CCDC57: variants seen among roughly 807,000 people sequenced by gnomAD.
CCDC57 encodes coiled-coil domain containing 57.
CCDC57 carries 118 observed loss-of-function variants against 118.9 expected under a neutral mutation model. That is an observed-to-expected ratio of 0.99 (90% CI 0.86 to 1.16). CCDC57 has a LOEUF of 1.16. Among genes scored for constraint, CCDC57 ranks in the 50% most tolerant of loss-of-function variants. The pLI, the probability that CCDC57 is intolerant of heterozygous loss-of-function variation, is 0.00. For synonymous variants in CCDC57, 527 were observed against 532.9 expected (o/e 0.99, Z 0.15); for missense variants, 1,300 against 1,320.7 (o/e 0.98, Z 0.24).
intron 7 of CCDC57, among the ~76,000 whole-genome samples, chr17:82,190,807 T>C (rs748352958): frequency 2.7e-5 from 4 of 148,674 alleles, no homozygotes; most frequent in Admixed American, 6.8e-5. Flanking sequence ...CTCCCAGACA[T>C]AATGCCTCTA....
At chr17:82,113,413 A>G (rs1303528114) in intron 19 of CCDC57, 1 of 717,670 alleles carries the variant, frequency 1.4e-6, no homozygotes, top group South Asian at 1.5e-5. Flanking sequence ...ATGGGACTAG[A>G]ACGACAGGAG....
At chr17:82,104,871 G>A (rs1186494483) in intron 19 of CCDC57, 4 of 152,332 alleles carry the variant, frequency 2.6e-5, no homozygotes, top group African/African-American at 9.6e-5. Flanking sequence ...TCTCAGGGAG[G>A]ACATAGCCTG....
chr17:82,171,647 T>A, intron 13 of CCDC57, 54 bp downstream of exon 12: 1 of 1,572,014 alleles, frequency 6.4e-7, no homozygotes, highest in Admixed American at 1.7e-5. Context: ...TTTGCAGGGG[T>A]CAGATTTCAG....
At chr17:82,120,407 T>C (rs987508071) in intron 19 of CCDC57, among the ~76,000 whole-genome samples, 11 of 152,208 alleles carry the variant, frequency 7.2e-5, no homozygotes, top group African/African-American at 2.7e-4. Context: ...AGAATGGAGC[T>C]TTCAGACTGC....
At chr17:82,138,517 A>G (rs2039568644) in intron 16 of CCDC57, among the ~76,000 whole-genome samples, 1 of 152,028 alleles carries the variant, frequency 6.6e-6, no homozygotes, top group African/African-American at 2.4e-5. Flanking sequence ...ACTGCCCTCC[A>G]GCCTGCATGA....
Position 82,101,973 on chromosome 17 carries a change from CG to C in CCDC57, c.2900-108del. On this transcript the variant is annotated intron_variant, in intron 19 of 19. Coordinates refer to ENST00000665763, the Ensembl canonical transcript of CCDC57. ...GCAGCACTTCCGTGTTCCCGGCCAG[CG>C]GGGGCCCTGTGACCCTTGGCCTGGC... 6.1e-6 allele frequency: 7 copies of C among 1,138,350 alleles called. No homozygotes were observed. The South Asian group carries it at 7.4e-5, about 12-fold the overall frequency. 70.5% of individuals were successfully genotyped at this position (1,138,350 alleles called of 1,614,324 possible).
At position 82,101,883 on chromosome 17, in the gene CCDC57, A is replaced by G. The variant is rs151218780; in HGVS notation, c.2900-17T>C. On this transcript the variant is annotated splice_polypyrimidine_tract_variant and intron_variant, in intron 19 of 19. Transcript: ENST00000665763. ...CTGGGAGCTCTGTCAGGTAAAGAGG[A>G]AAAAACAGCATGCATCAGGATGGCA... 5,807 of 1,546,000 alleles carry G rather than the reference A, an allele frequency of 3.8e-3. 30 individuals are homozygous for G. Among genetic ancestry groups the G allele is most frequent in the South Asian group, 0.01 (837 of 81,964 alleles).
At chr17:82,205,137 TG>T (rs1282122149) in intron 2 of CCDC57, among the ~76,000 whole-genome samples, 2 of 152,100 alleles carry the variant, frequency 1.3e-5, no homozygotes, top group African/African-American at 4.8e-5. Context: ...GGGAAAGAAT[TG>T]GACTATCAGC....
At chr17:82,133,807 C>T (rs1324780326) in intron 17 of CCDC57, among the ~76,000 whole-genome samples, 2 of 151,910 alleles carry the variant, frequency 1.3e-5, no homozygotes, top group Non-Finnish European at 2.9e-5. Context: ...TTGTAGTGAG[C>T]CGAGATTGCA....
At chr17:82,188,549 G>A in intron 7 of CCDC57, 130 bp from the exon 7 acceptor site, 3 of 929,122 alleles carry the variant, frequency 3.2e-6, no homozygotes, top group Non-Finnish European at 4.7e-6. Context: ...AGGCTTCGCA[G>A]CAGCCACCTG....
intron 19 of CCDC57, among the ~76,000 whole-genome samples, chr17:82,102,754 G>A (rs574360966): frequency 1.3e-5 from 2 of 152,034 alleles, no homozygotes; most frequent in East Asian, 3.9e-4. Context: ...GCACGGTGGC[G>A]GGCACCTGTA....
intron 1 of CCDC57, among the ~76,000 whole-genome samples, chr17:82,209,797 ATATACAGAGAC>A (rs1431225388): frequency 1.3e-5 from 2 of 152,134 alleles, no homozygotes; most frequent in Non-Finnish European, 2.9e-5. Flanking sequence ...AGTTTTTAAT[ATATACAGAGAC>A]ACAGATATAC....
At chr17:82,198,187 T>A (rs1448629745) in intron 4 of CCDC57, 127 bp downstream of exon 3, 2 of 597,312 alleles carry the variant, frequency 3.3e-6, no homozygotes, top group African/African-American at 3.8e-5. Context: ...AAAGACCCCA[T>A]TTTACTCCCA....
At chr17:82,132,522 C>T (rs1173949658) in intron 17 of CCDC57, among the ~76,000 whole-genome samples, 1 of 152,076 alleles carries the variant, frequency 6.6e-6, no homozygotes, top group Non-Finnish European at 1.5e-5. Flanking sequence ...AGAAGAAGAA[C>T]TATAAATGGC....
chr17:82,205,057 G>A (rs555295331), intron 2 of CCDC57, among the ~76,000 whole-genome samples: 1 of 152,370 alleles, frequency 6.6e-6, no homozygotes, highest in African/African-American at 2.4e-5. Context: ...GTCTGGCACA[G>A]TCTTGGCGAC....
intron 8 of CCDC57, among the ~76,000 whole-genome samples, chr17:82,186,914 C>T (rs919046476): frequency 2.6e-5 from 4 of 151,850 alleles, no homozygotes; most frequent in African/African-American, 9.7e-5. Flanking sequence ...TGCACTCCAG[C>T]CTAGACAACA....
chr17:82,169,042 C>T (rs1031501323), intron 13 of CCDC57, among the ~76,000 whole-genome samples: 3 of 152,086 alleles, frequency 2.0e-5, no homozygotes, highest in African/African-American at 4.8e-5. Context: ...AACATCATAC[C>T]GGAGAGTTTA....
chr17:82,134,126 G>A, exon 17 of CCDC57: 1 of 1,400,832 alleles, frequency 7.1e-7, no homozygotes, highest in African/African-American at 1.5e-5. Context: ...CGATCCAAAG[G>A]CCTCCTGGGC....
chr17:82,151,224 C>T (rs2042000109), intron 16 of CCDC57, among the ~76,000 whole-genome samples: 1 of 139,704 alleles, frequency 7.2e-6, no homozygotes, highest in Non-Finnish European at 1.6e-5. Flanking sequence ...GACCCACACC[C>T]AGAACCTGGC....
Sources: gnomAD v4.1 joint callset for allele counts (sites outside exome capture counted in the v4.1 genomes callset) on GRCh38, gnomAD v4.1.1 for gene constraint, MANE v1.5 for transcripts, NCBI Gene and HGNC (gene_info 2026-07-23, HGNC 2026-07-21) for gene names.